KCNMA1: variants seen among roughly 807,000 people sequenced by gnomAD.
KCNMA1 encodes the protein potassium calcium-activated channel subfamily M alpha 1, also known as Calcium-activated potassium channel subunit alpha-1.
A neutral mutation model predicts 140.0 loss-of-function variants in KCNMA1; 29 were observed. The ratio of observed to expected loss-of-function variants is 0.21; its 90% CI spans 0.15 to 0.28. The LOEUF (loss-of-function observed/expected upper bound fraction) is 0.28. Ranked by LOEUF, KCNMA1 falls within the 10% of genes least tolerant of loss-of-function variation. KCNMA1 has a pLI of 1.00. For missense variants in KCNMA1, 880 were observed against 1,602.2 expected, an observed-to-expected ratio of 0.55 and a Z score of 7.70; for synonymous variants, 612 against 611.9, an observed-to-expected ratio of 1.00 and a Z score of 0.00.
chr10:76,920,069 T>A (rs2055044104), intron 23 of KCNMA1, among the ~76,000 whole-genome samples: 1 of 113,616 alleles, frequency 8.8e-6, no homozygotes, highest in East Asian at 3.0e-4. Flanking sequence ...ATATTCCTTA[T>A]GTGATCATAA....
chr10:77,304,690 T>G (rs1170637302), intron 2 of KCNMA1: 1 of 152,254 alleles, frequency 6.6e-6, no homozygotes, highest in African/African-American at 2.4e-5. Context: ...TCGAAGCCCC[T>G]GAGTGGCTCA....
intron 20 of KCNMA1, among the ~76,000 whole-genome samples, chr10:76,955,634 C>T (rs2067968901): frequency 6.6e-6 from 1 of 152,166 alleles, no homozygotes; most frequent in East Asian, 1.9e-4. Flanking sequence ...TGTAAACCAC[C>T]AGGCCATCTT....
intron 3 of KCNMA1, among the ~76,000 whole-genome samples, chr10:77,211,990 T>C (rs1258796736): frequency 1.3e-5 from 2 of 152,228 alleles, no homozygotes; most frequent in Admixed American, 6.5e-5. Context: ...GTTTACACAC[T>C]GTTGGTGGGA....
chr10:77,003,964 G>A (rs1445611800), intron 18 of KCNMA1, among the ~76,000 whole-genome samples: 1 of 152,170 alleles, frequency 6.6e-6, no homozygotes, highest in Admixed American at 6.6e-5. Flanking sequence ...GTTATTGTTA[G>A]CCGTTCTGGC....
chr10:76,955,917 TA>T (rs2068079849), intron 20 of KCNMA1, among the ~76,000 whole-genome samples: 2 of 152,164 alleles, frequency 1.3e-5, no homozygotes, highest in Admixed American at 6.5e-5. Context: ...CCTGAAGATA[TA>T]GAGCCAGGTT....
intron 1 of KCNMA1, among the ~76,000 whole-genome samples, chr10:77,539,469 T>C (rs999138153): frequency 3.3e-5 from 5 of 152,172 alleles, no homozygotes; most frequent in African/African-American, 7.2e-5. Context: ...TGAGGCAGAA[T>C]TGAGCTTGGG....
chr10:77,329,091 C>T (rs1255839755), intron 2 of KCNMA1, among the ~76,000 whole-genome samples: 3 of 152,090 alleles, frequency 2.0e-5, no homozygotes, highest in Non-Finnish European at 2.9e-5. Context: ...CCCCCTGCCT[C>T]GGCCTCCCAA....
intron 17 of KCNMA1, among the ~76,000 whole-genome samples, chr10:77,018,198 G>A (rs887862355): frequency 3.3e-5 from 5 of 152,100 alleles, no homozygotes; most frequent in Admixed American, 3.3e-4. Flanking sequence ...CTTTGACTAG[G>A]AACTCATTCA....
At chr10:77,487,155 T>C (rs944169903) in intron 1 of KCNMA1, among the ~76,000 whole-genome samples, 6 of 152,186 alleles carry the variant, frequency 3.9e-5, no homozygotes, top group African/African-American at 1.2e-4. Flanking sequence ...TCAACACATA[T>C]AGTAGAATCT....
intron 2 of KCNMA1, among the ~76,000 whole-genome samples, chr10:77,396,192 T>C (rs2096048879): frequency 6.6e-6 from 1 of 152,240 alleles, no homozygotes; most frequent in African/African-American, 2.4e-5. Context: ...TGGGACATTC[T>C]TACTAAAAGT....
intron 1 of KCNMA1, among the ~76,000 whole-genome samples, chr10:77,498,026 A>G (rs1157307787): frequency 6.6e-6 from 1 of 152,180 alleles, no homozygotes; most frequent in South Asian, 2.1e-4. Context: ...TGCCTGGAAA[A>G]CCTGCCACAG....
intron 2 of KCNMA1, among the ~76,000 whole-genome samples, chr10:77,401,718 T>C (rs2096273491): frequency 6.6e-6 from 1 of 152,208 alleles, no homozygotes; most frequent in South Asian, 2.1e-4. Context: ...TGTTTAAGCC[T>C]GGATATGTTT....
At chr10:77,528,329 CCTG>C (rs1157132981) in intron 1 of KCNMA1, among the ~76,000 whole-genome samples, 6 of 152,152 alleles carry the variant, frequency 3.9e-5, no homozygotes, top group African/African-American at 1.4e-4. Flanking sequence ...CAAACACAGG[CCTG>C]GCACAGTGGT....
At chr10:77,507,731 A>G (rs566937503) in intron 1 of KCNMA1, among the ~76,000 whole-genome samples, 1 of 152,364 alleles carries the variant, frequency 6.6e-6, no homozygotes, top group South Asian at 2.1e-4. Flanking sequence ...GAAAGCTAAC[A>G]GAAAAGCCAC....
intron 7 of KCNMA1, among the ~76,000 whole-genome samples, chr10:77,110,926 C>G (rs749357664): frequency 2.0e-5 from 3 of 152,214 alleles, no homozygotes. Context: ...GTGGTCCCAG[C>G]CTTGAGGCTG....
chr10:77,246,765 A>G (rs561337571), intron 3 of KCNMA1, among the ~76,000 whole-genome samples: 85 of 152,336 alleles, frequency 5.6e-4, no homozygotes, highest in African/African-American at 2.0e-3. Context: ...CAAAAGTAAC[A>G]TTTTAAAAGA....
intron 1 of KCNMA1, among the ~76,000 whole-genome samples, chr10:77,479,670 G>A (rs1409764096): frequency 6.6e-6 from 1 of 152,176 alleles, no homozygotes; most frequent in Non-Finnish European, 1.5e-5. Context: ...AAACCCAGGT[G>A]GCCAAGGTGT....
At chr10:77,622,020 A>G (rs1208944754) in intron 1 of KCNMA1, among the ~76,000 whole-genome samples, 2 of 152,178 alleles carry the variant, frequency 1.3e-5, no homozygotes, top group Non-Finnish European at 2.9e-5. Flanking sequence ...CATAAAATAC[A>G]TTTATATGTC....
chr10:77,510,171 T>A (rs2047839517), intron 1 of KCNMA1, among the ~76,000 whole-genome samples: 1 of 152,072 alleles, frequency 6.6e-6, no homozygotes, highest in African/African-American at 2.4e-5. Flanking sequence ...AGTGATAAGA[T>A]AAGCAATGTC....
Sources: gnomAD v4.1 joint callset for allele counts (sites outside exome capture counted in the v4.1 genomes callset) on GRCh38, gnomAD v4.1.1 for gene constraint, MANE v1.5 for transcripts, NCBI Gene and HGNC (gene_info 2026-07-23, HGNC 2026-07-21) for gene names.